Variants in PRKCE observed in about 807,000 individuals in gnomAD.
The protein encoded by PRKCE is protein kinase C epsilon.
PRKCE carries 16 observed loss-of-function variants against 85.4 expected under a neutral mutation model. The observed-to-expected ratio is 0.19, with a 90% CI of 0.13 to 0.28. The LOEUF (loss-of-function observed/expected upper bound fraction) is 0.28. Ranked by LOEUF, PRKCE falls within the 10% of genes least tolerant of loss-of-function variation. The probability of loss-of-function intolerance (pLI) is 1.00; values close to 1 mark genes in which losing one functional copy is unlikely to be tolerated. For synonymous variants in PRKCE, 388 were observed against 371.5 expected (o/e 1.04, Z -0.51); for missense variants, 573 against 975.2 (o/e 0.59, Z 5.49).
At chr2:46,086,140 C>T in intron 10 of PRKCE, 68 bp from the exon 11 acceptor site, 1 of 1,527,840 alleles carries the variant, frequency 6.5e-7, no homozygotes, top group Non-Finnish European at 8.9e-7. Flanking sequence ...ACTGAGCTCA[C>T]ACTAAGCTGG....
At position 45,652,019 on chromosome 2, in the gene PRKCE, C is replaced by T; in HGVS notation, c.-82C>T. ...AAAGGGGACCCAAGAGTCCCTGTGG[C>T]TCGGAGTGCCGGGCCGTCGGTTCTT... is the stretch of plus-strand genomic sequence containing the variant. On this transcript the variant is annotated 5_prime_UTR_variant, in exon 1 of 15. Coordinates refer to ENST00000306156, the MANE Select transcript of PRKCE (RefSeq NM_005400.3). This position sits in a 1 kb window ranked among gnomAD's most constrained non-coding sequence, Gnocchi z 7.7. 8.9e-7 allele frequency: 1 copy of T among 1,128,948 alleles called. No homozygotes were observed. The highest frequency in any genetic ancestry group is 1.5e-5 in the South Asian group (1 of 66,664). The allele number at this position is 1,128,948 out of a possible 1,614,324, so 69.9% of individuals were successfully genotyped here. A position where few individuals can be genotyped will look rare whatever the true frequency, so the allele number is the denominator to read the frequency against.
intron 14 of PRKCE, among the ~76,000 whole-genome samples, chr2:46,173,796 C>G (rs375925387): frequency 1.3e-5 from 2 of 152,224 alleles, no homozygotes; most frequent in African/African-American, 4.8e-5. Flanking sequence ...CCCAGACAAA[C>G]GATAGTTGGC....
At chr2:45,918,023 C>T (rs918876964) in intron 2 of PRKCE, among the ~76,000 whole-genome samples, 2 of 152,254 alleles carry the variant, frequency 1.3e-5, no homozygotes, top group South Asian at 2.1e-4. Context: ...CCGCTAGCGC[C>T]GCGCGCAGCC....
At position 46,070,393 on chromosome 2, in the gene PRKCE, C is replaced by T. The variant is rs1574390133; in HGVS notation, c.1438-15815C>T. 2.0e-5 allele frequency among the ~76,000 whole-genome samples: 3 copies of T among 152,326 alleles called. No individual in the cohort carries two copies. The East Asian group carries it at 5.8e-4, about 29-fold the overall frequency. ...GCGCGGTGGCGCATGCCTGTAATCC[C>T]AGCACTTGTGGAGGCCAAGGAGGGT... On this transcript the variant is annotated intron_variant, in intron 10 of 14. Coordinates refer to ENST00000306156, the MANE Select transcript of PRKCE (RefSeq NM_005400.3).
intron 11 of PRKCE, among the ~76,000 whole-genome samples, chr2:46,108,685 T>G: frequency 6.6e-6 from 1 of 152,186 alleles, no homozygotes; most frequent in Non-Finnish European, 1.5e-5. Flanking sequence ...GGAGCATAAG[T>G]TCTGAATTTT....
chr2:45,670,025 T>C (rs1676083038), intron 1 of PRKCE, among the ~76,000 whole-genome samples: 1 of 152,072 alleles, frequency 6.6e-6, no homozygotes. Context: ...TAAAATAAAA[T>C]AAAATTTATA....
chr2:45,709,944 G>A (rs1482399015), intron 1 of PRKCE, among the ~76,000 whole-genome samples: 1 of 152,140 alleles, frequency 6.6e-6, no homozygotes, highest in Non-Finnish European at 1.5e-5. Flanking sequence ...TGGGTAGCTG[G>A]GATTACAGGC....
chr2:46,002,004 G>A (rs12988237), intron 7 of PRKCE, among the ~76,000 whole-genome samples: 27,461 of 152,170 alleles, frequency 0.18, 2,797 homozygotes, highest in African/African-American at 0.27. Flanking sequence ...GATCATACCA[G>A]CACTGAGCTG....
intron 2 of PRKCE, among the ~76,000 whole-genome samples, chr2:45,853,126 C>T (rs1692408651): frequency 1.3e-5 from 2 of 152,270 alleles, no homozygotes; most frequent in South Asian, 2.1e-4. Flanking sequence ...AAATCAATGC[C>T]TTTGAATCCT....
intron 1 of PRKCE, among the ~76,000 whole-genome samples, chr2:45,690,641 G>A (rs1677655843): frequency 6.6e-6 from 1 of 152,222 alleles, no homozygotes; most frequent in African/African-American, 2.4e-5. Flanking sequence ...AAAGTCATTT[G>A]GGGTTACAGA....
intron 10 of PRKCE, among the ~76,000 whole-genome samples, chr2:46,073,123 C>G (rs768503306): frequency 4.6e-5 from 7 of 152,208 alleles, no homozygotes; most frequent in Non-Finnish European, 7.3e-5. Context: ...GGTCCAGCCT[C>G]TCAGTGAACA....
rs995685998 is a variant in PRKCE at position 45,925,586 on chromosome 2, G to A, written c.413-50843G>A. 3.3e-5 allele frequency among the ~76,000 whole-genome samples: 5 copies of A among 152,276 alleles called. No individual in the cohort carries two copies. The East Asian group carries it at 7.7e-4, about 24-fold the overall frequency. Reference sequence around the variant, plus strand: ...GCTAGGATTACAGGCGTGAACCACCGCGCCCGGCCAAGCATGCTGCATTTT... The same window carrying A: ...GCTAGGATTACAGGCGTGAACCACCACGCCCGGCCAAGCATGCTGCATTTT... On this transcript the variant is annotated intron_variant, in intron 2 of 14. Transcript: ENST00000306156.
Position 46,041,859 on chromosome 2 carries a change from G to A in PRKCE, c.1437+31342G>A, listed in dbSNP as rs1259354985. The stretch of plus-strand genomic sequence containing the variant: ...AAAAAACCAGCCTCCATGTTAACAT[G>A]TCGGCTTGAATACTCTTATTTTCCA... On this transcript the variant is annotated intron_variant, in intron 10 of 14. Transcript: ENST00000306156. The surrounding 1 kb of genome is among the most constrained non-coding windows in gnomAD (Gnocchi z 5.5). Among the ~76,000 whole-genome samples the A allele has an allele frequency of 6.6e-6, 1 of 152,214 alleles. No homozygotes were observed. The highest frequency in any genetic ancestry group is 2.4e-5 in the African/African-American group (1 of 41,440).
intron 2 of PRKCE, among the ~76,000 whole-genome samples, chr2:45,964,635 T>C (rs1360828333): frequency 2.6e-5 from 4 of 152,172 alleles, no homozygotes; most frequent in South Asian, 4.1e-4. Context: ...AATGGGCGAA[T>C]GAATGAATGA....
chr2:45,831,420 G>T (rs1435985028), intron 1 of PRKCE, among the ~76,000 whole-genome samples: 1 of 152,214 alleles, frequency 6.6e-6, no homozygotes, highest in Non-Finnish European at 1.5e-5. Flanking sequence ...AGGGTGGCAG[G>T]CAGAGGATGG....
At chr2:45,755,399 T>G (rs1683920892) in intron 1 of PRKCE, among the ~76,000 whole-genome samples, 1 of 152,164 alleles carries the variant, frequency 6.6e-6, no homozygotes, top group African/African-American at 2.4e-5. Flanking sequence ...AAATCTGAGG[T>G]GGTCCTGAGT....
At chr2:46,143,250 T>C (rs1014280676) in intron 11 of PRKCE, among the ~76,000 whole-genome samples, 5 of 152,138 alleles carry the variant, frequency 3.3e-5, no homozygotes, top group Non-Finnish European at 2.9e-5. Flanking sequence ...TAAAGAAGCA[T>C]CATTGTTGTT....
Position 45,652,172 on chromosome 2 carries a change from G to A in PRKCE, c.72G>A (p.Ser24=). 1 of 1,612,614 alleles carries A rather than the reference G, an allele frequency of 6.2e-7. No homozygotes were observed. Among genetic ancestry groups the A allele is most frequent in the South Asian group, 1.1e-5 (1 of 90,950 alleles). The change falls in exon 1 of 15, where the codon TCG becomes TCA. Residue 24 remains serine (S), a synonymous_variant. Transcript: ENST00000306156. The surrounding 1 kb of genome is among the most constrained non-coding windows in gnomAD (Gnocchi z 7.7). ...TGAGCTTGAAGCCCACAGCCTGGTCGCTGCGCCATGCGGTGGGACCCCGGC... is the reference window on the plus strand; with the variant it reads ...TGAGCTTGAAGCCCACAGCCTGGTCACTGCGCCATGCGGTGGGACCCCGGC... ...EAVSLKPTAW[S]LRHAVGPRPQ... is the part of the protein sequence containing the mutation.
At position 45,744,469 on chromosome 2, in the gene PRKCE, CTTTCTTTCTTTCTTTCTTTT is replaced by C. The variant is rs1558623589; in HGVS notation, c.348+92023_348+92042del. Among the ~76,000 whole-genome samples, 183 of 50,626 alleles carry C rather than the reference CTTTCTTTCTTTCTTTCTTTT, an allele frequency of 3.6e-3. 1 individual carries two copies. Among genetic ancestry groups the C allele is most frequent in the Non-Finnish European group, 5.5e-3 (141 of 25,858 alleles). 33.2% of individuals were successfully genotyped at this position (50,626 alleles called of 152,430 possible). A position where few individuals can be genotyped will look rare whatever the true frequency, so the allele number is the denominator to read the frequency against. On this transcript the variant is annotated intron_variant, in intron 1 of 14. Coordinates refer to ENST00000306156, the MANE Select transcript of PRKCE (RefSeq NM_005400.3). ...TCTTTCTTTCTTTCTTTCTTTCTTT[CTTTCTTTCTTTCTTTCTTTT>C]TCTTTCTTTCTTTTCTTTCTTTCTT...
Sources: allele counts gnomAD v4.1 joint callset (sites outside exome capture counted in the v4.1 genomes callset), GRCh38; gene constraint gnomAD v4.1.1; non-coding constraint Gnocchi (gnomAD v3.1); transcripts MANE v1.5; gene names NCBI Gene and HGNC (gene_info 2026-07-23, HGNC 2026-07-21).